CSMD3: variants seen among roughly 807,000 people sequenced by gnomAD.
The protein encoded by CSMD3 is CUB and sushi domain-containing protein 3.
CSMD3 carries 177 observed loss-of-function variants against 435.2 expected under a neutral mutation model. That is an observed-to-expected ratio of 0.41 (90% confidence interval 0.36 to 0.46). The LOEUF is 0.46. Ranked by LOEUF, CSMD3 falls within the 20% of genes least tolerant of loss-of-function variation. The pLI is 0.34. For missense variants in CSMD3, 4,265 were observed against 4,504.6 expected, an observed-to-expected ratio of 0.95 and a Z score of 1.52; for synonymous variants, 1,656 against 1,520.5, an observed-to-expected ratio of 1.09 and a Z score of -2.07.
intron 13 of CSMD3, among the ~76,000 whole-genome samples, chr8:112,770,737 TATATA>T (rs749520024): frequency 2.6e-5 from 4 of 152,052 alleles, no homozygotes; most frequent in African/African-American, 7.2e-5. Flanking sequence ...ATTGCTTATC[TATATA>T]ATATAATAAC....
chr8:113,128,846 GA>G (rs2131671338), intron 4 of CSMD3, among the ~76,000 whole-genome samples: 1 of 152,136 alleles, frequency 6.6e-6, no homozygotes, highest in Non-Finnish European at 1.5e-5. Context: ...GGTGCTAAGC[GA>G]ATACAGTTTT....
intron 2 of CSMD3, among the ~76,000 whole-genome samples, chr8:113,289,139 C>A (rs1334262866): frequency 6.6e-5 from 10 of 151,610 alleles, no homozygotes; most frequent in African/African-American, 2.4e-4. Context: ...GGTACCTTCC[C>A]TTTAAGTCCC....
At chr8:112,361,838 GT>G (rs1423975479) in intron 38 of CSMD3, among the ~76,000 whole-genome samples, 1 of 151,488 alleles carries the variant, frequency 6.6e-6, no homozygotes, top group Non-Finnish European at 1.5e-5. Flanking sequence ...AGAAACAAAA[GT>G]TAAATCATGT....
intron 4 of CSMD3, among the ~76,000 whole-genome samples, chr8:113,146,709 T>C (rs1232561637): frequency 6.6e-6 from 1 of 151,566 alleles, no homozygotes; most frequent in Non-Finnish European, 1.5e-5. Flanking sequence ...AAAACATATA[T>C]TGCAGCCAGC....
intron 62 of CSMD3, 125 bp downstream of exon 62, chr8:112,255,129 C>T: frequency 1.4e-6 from 1 of 739,010 alleles, no homozygotes; most frequent in Non-Finnish European, 2.3e-6. Context: ...CTTCTAATTG[C>T]TTCTATATTT....
At chr8:112,929,196 C>T (rs1411546793) in intron 9 of CSMD3, among the ~76,000 whole-genome samples, 1 of 124,558 alleles carries the variant, frequency 8.0e-6, no homozygotes, top group African/African-American at 3.1e-5. Flanking sequence ...AGCCCTTTGT[C>T]AGATGAGTAG....
At chr8:112,291,836 T>TG in intron 55 of CSMD3, 141 bp from the exon 56 acceptor site, 3 of 630,194 alleles carry the variant, frequency 4.8e-6, no homozygotes, top group Non-Finnish European at 8.1e-6. Context: ...ATTAATCCCA[T>TG]GGATTATCTA....
intron 1 of CSMD3, among the ~76,000 whole-genome samples, chr8:113,386,549 ATC>A (rs144002823): frequency 1.9e-4 from 28 of 149,772 alleles, no homozygotes; most frequent in Admixed American, 4.7e-4. Flanking sequence ...GTTAGAATTG[ATC>A]TCTCTCTCTC....
intron 5 of CSMD3, among the ~76,000 whole-genome samples, chr8:113,073,350 C>T (rs528589754): frequency 2.0e-5 from 3 of 151,616 alleles, no homozygotes; most frequent in East Asian, 3.9e-4. Flanking sequence ...ATATGGAGTT[C>T]GTAAATTCTT....
chr8:112,619,884 T>C (rs1586821026), intron 22 of CSMD3, among the ~76,000 whole-genome samples: 1 of 152,194 alleles, frequency 6.6e-6, no homozygotes, highest in East Asian at 1.9e-4. Context: ...TAAGATATTA[T>C]ATAATACCCA....
chr8:112,876,529 T>C (rs1171308035), intron 10 of CSMD3, among the ~76,000 whole-genome samples: 1 of 152,162 alleles, frequency 6.6e-6, no homozygotes, highest in East Asian at 1.9e-4. Context: ...TGGTTCAATA[T>C]ATGCAAATCA....
At chr8:112,730,643 A>G (rs925466516) in intron 13 of CSMD3, among the ~76,000 whole-genome samples, 1 of 152,086 alleles carries the variant, frequency 6.6e-6, no homozygotes, top group African/African-American at 2.4e-5. Flanking sequence ...CCGTTTTCTC[A>G]ACTTGCTCAC....
chr8:112,285,237 C>T (rs1819064091), intron 58 of CSMD3, among the ~76,000 whole-genome samples: 1 of 152,072 alleles, frequency 6.6e-6, no homozygotes, highest in Non-Finnish European at 1.5e-5. Context: ...AAAGGACTGA[C>T]TTAGATGTCA....
intron 66 of CSMD3, among the ~76,000 whole-genome samples, chr8:112,239,036 C>T (rs112209080): frequency 1.3e-5 from 2 of 151,998 alleles, no homozygotes; most frequent in Non-Finnish European, 2.9e-5. Flanking sequence ...TGAGCCTTGG[C>T]CAATCCCAGC....
At chr8:112,831,212 C>G (rs941367377) in intron 11 of CSMD3, among the ~76,000 whole-genome samples, 2 of 152,066 alleles carry the variant, frequency 1.3e-5, no homozygotes, top group African/African-American at 4.8e-5. Flanking sequence ...ATACATTTTA[C>G]ATGATCATAA....
chr8:112,928,254 G>C (rs1326865178), intron 9 of CSMD3, among the ~76,000 whole-genome samples: 2 of 152,154 alleles, frequency 1.3e-5, no homozygotes, highest in African/African-American at 4.8e-5. Flanking sequence ...AAGTGCATTA[G>C]TTAATATAGA....
intron 32 of CSMD3, among the ~76,000 whole-genome samples, chr8:112,426,279 C>A (rs1468513117): frequency 1.3e-5 from 2 of 151,896 alleles, no homozygotes; most frequent in Non-Finnish European, 2.9e-5. Context: ...TTTTTAAGCA[C>A]ATTTTAATAG....
chr8:112,270,397 T>TGTGTGTGTG (rs1817411985), intron 59 of CSMD3, among the ~76,000 whole-genome samples: 1 of 127,256 alleles, frequency 7.9e-6, no homozygotes, highest in Non-Finnish European at 1.7e-5. Flanking sequence ...TGTGTGTGTG[T>TGTGTGTGTG]TACTGCTGGA....
At chr8:113,043,073 C>T (rs879050066) in intron 5 of CSMD3, among the ~76,000 whole-genome samples, 2 of 152,178 alleles carry the variant, frequency 1.3e-5, no homozygotes, top group Admixed American at 1.3e-4. Flanking sequence ...ATATTCTATG[C>T]ACCTTATGTG....
Sources: gnomAD v4.1 joint callset for allele counts (sites outside exome capture counted in the v4.1 genomes callset) on GRCh38, gnomAD v4.1.1 for gene constraint, MANE v1.5 for transcripts, NCBI Gene and HGNC (gene_info 2026-07-23, HGNC 2026-07-21) for gene names.